Variants in SMG6 observed in about 807,000 individuals in gnomAD.
The protein encoded by SMG6 is SMG6 nonsense mediated mRNA decay factor.
SMG6 carries 66 observed loss-of-function variants against 142.2 expected under a neutral mutation model. The observed-to-expected ratio is 0.46, with a 90% confidence interval of 0.38 to 0.57. SMG6 has a LOEUF of 0.57. SMG6 is among the 20% of genes least tolerant of loss of function. The probability of loss-of-function intolerance (pLI) is 0.00; values close to 1 mark genes in which losing one functional copy is unlikely to be tolerated. For synonymous variants in SMG6, 779 were observed against 702.4 expected (o/e 1.11, Z -1.72); for missense variants, 1,793 against 1,832.0 (o/e 0.98, Z 0.39).
At chr17:2,152,794 A>G in intron 13 of SMG6, among the ~76,000 whole-genome samples, 1 of 152,218 alleles carries the variant, frequency 6.6e-6, no homozygotes, top group Non-Finnish European at 1.5e-5. Context: ...CTCTTATCAC[A>G]TAAACCACCC....
intron 13 of SMG6, among the ~76,000 whole-genome samples, chr17:2,164,613 G>A (rs985026588): frequency 3.0e-4 from 45 of 151,872 alleles, no homozygotes; most frequent in Admixed American, 1.2e-3. Flanking sequence ...GAGACTCCCC[G>A]TCTCAAAGAA....
intron 8 of SMG6, among the ~76,000 whole-genome samples, chr17:2,271,165 A>AG (rs1264392403): frequency 2.1e-5 from 3 of 142,908 alleles, no homozygotes; most frequent in African/African-American, 7.9e-5. Context: ...CCCAGGCTGG[A>AG]GTGCAGTGGT....
rs140558049 is a variant in SMG6 at position 2,228,643 on chromosome 17, G to A, written c.2869+7849C>T. Among the ~76,000 whole-genome samples, 291 of 152,330 alleles carry A rather than the reference G, an allele frequency of 1.9e-3. 1 individual carries two copies. Among genetic ancestry groups the A allele is most frequent in the African/African-American group, 6.8e-3 (281 of 41,564 alleles). ...CTCCCAAAGTGCTGGGATTACAGGC[G>A]CAAGCCACCGTGCCTGGCCCCAAAT... is the stretch of plus-strand genomic sequence containing the variant. On this transcript the variant is annotated intron_variant, in intron 10 of 18. Transcript: ENST00000263073.
chr17:2,184,495 TA>T (rs2071909723), intron 12 of SMG6, among the ~76,000 whole-genome samples: 1 of 149,082 alleles, frequency 6.7e-6, no homozygotes. Context: ...TCATCTCTAC[TA>T]AAAATAAAAA....
At chr17:2,244,975 G>T in intron 8 of SMG6, 1 of 510,356 alleles carries the variant, frequency 2.0e-6, no homozygotes, top group South Asian at 2.7e-5. Flanking sequence ...GTGTGCAGGG[G>T]ATGAGGCGGT....
intron 13 of SMG6, among the ~76,000 whole-genome samples, chr17:2,119,495 A>T (rs2069616034): frequency 6.6e-6 from 1 of 151,428 alleles, no homozygotes; most frequent in African/African-American, 2.4e-5. Context: ...CACCCAGCCC[A>T]GAATTATTTA....
In SMG6 at chr17:2,112,381, G is replaced by A. The variant is rs552046537; in HGVS notation, c.3358-26480C>T. Among the ~76,000 whole-genome samples, 21 of 151,432 alleles carry A rather than the reference G, an allele frequency of 1.4e-4. No individual in the cohort carries two copies. The East Asian group carries it at 2.9e-3, about 21-fold the overall frequency. On this transcript the variant is annotated intron_variant, in intron 13 of 18. Transcript: ENST00000263073. ...AAATTAGCCAGGCGTCGTGGCGGGC[G>A]TCTGGAGTCCCAGCTACTCGGGAGG...
intron 13 of SMG6, among the ~76,000 whole-genome samples, chr17:2,128,764 C>T (rs573976817): frequency 1.1e-4 from 16 of 144,370 alleles, no homozygotes; most frequent in African/African-American, 4.2e-4. Context: ...GTGGAGGTTG[C>T]ACTGAGCCAA....
chr17:2,094,683 C>CTGGTATCTTTCTTAAATAAGACCCAG, intron 13 of SMG6: 1 of 152,294 alleles, frequency 6.6e-6, no homozygotes, highest in East Asian at 1.9e-4. Context: ...CCGTGTCCAG[C>CTGGTATCTTTCTTAAATAAGACCCAG]CTGGTATCTT....
chr17:2,178,879 G>A (rs147835681), intron 12 of SMG6, among the ~76,000 whole-genome samples: 1,945 of 152,254 alleles, frequency 0.013, 23 homozygotes, highest in Non-Finnish European at 0.021. Context: ...CAAACTTTTA[G>A]CTGTAACCAC....
chr17:2,173,845 CTTTTTTTTTTTTTTTTT>C (rs35215989), intron 12 of SMG6, among the ~76,000 whole-genome samples: 3 of 74,804 alleles, frequency 4.0e-5, no homozygotes, highest in Non-Finnish European at 5.2e-5. Context: ...ATCCATAAAG[CTTTTTTTTTTTTTTTTT>C]TTTTTTTTTG....
rs768639329 is a variant in SMG6 at position 2,071,262 on chromosome 17, A to AT, written c.3682-2332dup. ...TGACTCTATCAAGGAAGTGGCTGCC[A>AT]TTTTTTTTTTTACCCTATGTGAACA... On this transcript the variant is annotated intron_variant, in intron 15 of 18. Transcript: ENST00000263073. This position sits in a 1 kb window ranked among gnomAD's most constrained non-coding sequence, Gnocchi z 5.6. Among the ~76,000 whole-genome samples, 1,092 of 145,654 alleles carry AT rather than the reference A, an allele frequency of 7.5e-3. 9 individuals carry two copies. The highest frequency in any genetic ancestry group is 0.011 in the Middle Eastern group (3 of 280).
At position 2,128,255 on chromosome 17, in the gene SMG6, G is replaced by A. The variant is rs190673320; in HGVS notation, c.3358-42354C>T. On this transcript the variant is annotated intron_variant, in intron 13 of 18. Coordinates refer to ENST00000263073, the MANE Select transcript of SMG6 (RefSeq NM_017575.5). ...CAGGCTGCCGGCACGGAGCAGCGGC[G>A]GTCAAGTGCAGGGAGGGCACGAAAT... 3.9e-5 allele frequency among the ~76,000 whole-genome samples: 6 copies of A among 152,284 alleles called. No homozygotes were observed. The East Asian group carries it at 7.7e-4, about 20-fold the overall frequency.
chr17:2,123,939 C>T (rs1487634087), intron 13 of SMG6, among the ~76,000 whole-genome samples: 1 of 152,230 alleles, frequency 6.6e-6, no homozygotes, highest in African/African-American at 2.4e-5. Context: ...TAACACTGCC[C>T]CAGCAATCCA....
At position 2,068,973 on chromosome 17, in the gene SMG6, C is replaced by CAAGCAGGT; in HGVS notation, c.3682-50_3682-43dup. 1.9e-6 allele frequency: 3 copies of CAAGCAGGT among 1,604,436 alleles called. No individual in the cohort carries two copies. The highest frequency in any genetic ancestry group is 2.6e-6 in the Non-Finnish European group (3 of 1,173,608). On this transcript the variant is annotated intron_variant, in intron 15 of 18. Coordinates refer to ENST00000263073, the MANE Select transcript of SMG6 (RefSeq NM_017575.5). This position sits in a 1 kb window ranked among gnomAD's most constrained non-coding sequence, Gnocchi z 6.7. ...GTGAATGAGCCAGACAGCGAGCAGG[C>CAAGCAGGT]AAGCAGGTGGGTGAGCCAGGGCCCT...
At chr17:2,132,729 TGAGA>T (rs1167285733) in intron 13 of SMG6, among the ~76,000 whole-genome samples, 2 of 152,170 alleles carry the variant, frequency 1.3e-5, no homozygotes, top group Non-Finnish European at 2.9e-5. Flanking sequence ...GCCTCAGGTC[TGAGA>T]GAGTGACAGA....
chr17:2,282,521 G>A, intron 8 of SMG6, 126 bp downstream of exon 8: 1 of 838,380 alleles, frequency 1.2e-6, no homozygotes, highest in East Asian at 2.4e-5. Flanking sequence ...AAGACCATCA[G>A]GGAGCCTCAA....
intron 8 of SMG6, chr17:2,280,693 T>A (rs1400680174): frequency 3.2e-6 from 2 of 618,466 alleles, no homozygotes; most frequent in Non-Finnish European, 2.0e-6. Flanking sequence ...TATAGTTTCA[T>A]CAATAGTTTA....
intron 13 of SMG6, among the ~76,000 whole-genome samples, chr17:2,162,302 G>A (rs2071203799): frequency 6.6e-6 from 1 of 151,958 alleles, no homozygotes. Context: ...CACGAGGTCA[G>A]GAGATCGAGA....
Sources: gnomAD v4.1 joint callset for allele counts (sites outside exome capture counted in the v4.1 genomes callset) on GRCh38, gnomAD v4.1.1 for gene constraint, Gnocchi (gnomAD v3.1) non-coding constraint, MANE v1.5 for transcripts, NCBI Gene and HGNC (gene_info 2026-07-23, HGNC 2026-07-21) for gene names.